SLC14A1: variants seen among roughly 807,000 people sequenced by gnomAD.
The protein encoded by SLC14A1 is urea transporter 1.
Under a neutral mutation model 39.6 loss-of-function variants are expected in SLC14A1, and 36 were observed. The observed-to-expected ratio is 0.91, with a 90% confidence interval of 0.70 to 1.20. The LOEUF (loss-of-function observed/expected upper bound fraction) is 1.20, where lower values mean the gene tolerates loss of function less well. Ranked by LOEUF, SLC14A1 falls within the 50% of genes most tolerant of loss-of-function variation. SLC14A1 has a pLI of 0.00. For synonymous variants in SLC14A1, 164 were observed against 173.6 expected (o/e 0.94, Z 0.43); for missense variants, 469 against 478.7 (o/e 0.98, Z 0.19).
intron 8 of SLC14A1, among the ~76,000 whole-genome samples, chr18:45,741,605 T>C (rs1023997971): frequency 3.3e-5 from 5 of 152,192 alleles, no homozygotes; most frequent in African/African-American, 1.2e-4. Context: ...TGTAGCCATG[T>C]AGATGTCATT....
chr18:45,747,568 A>G (rs2047582117), intron 8 of SLC14A1, among the ~76,000 whole-genome samples: 1 of 151,872 alleles, frequency 6.6e-6, no homozygotes, highest in African/African-American at 2.4e-5. Flanking sequence ...AGTGGTGGGC[A>G]CCTGTAGTCC....
At chr18:45,727,817 C>G (rs190888757) in intron 2 of SLC14A1, among the ~76,000 whole-genome samples, 1 of 152,314 alleles carries the variant, frequency 6.6e-6, no homozygotes, top group Non-Finnish European at 1.5e-5. Flanking sequence ...TGTAAGGACT[C>G]TTAAAGTTCC....
At chr18:45,728,886 T>C (rs2046942719) in intron 2 of SLC14A1, 1 of 152,344 alleles carries the variant, frequency 6.6e-6, no homozygotes, top group Non-Finnish European at 1.5e-5. Flanking sequence ...GAATGGTTAG[T>C]TGGGCAGTGA....
At chr18:45,741,104 C>CTCCA (rs1224558913) in intron 8 of SLC14A1, 1 of 152,314 alleles carries the variant, frequency 6.6e-6, no homozygotes, top group African/African-American at 2.4e-5. Flanking sequence ...TACCATCCAC[C>CTCCA]TCCAGAGTTA....
intron 6 of SLC14A1, among the ~76,000 whole-genome samples, chr18:45,738,134 T>A (rs1472303864): frequency 1.3e-5 from 2 of 152,242 alleles, no homozygotes; most frequent in African/African-American, 4.8e-5. Flanking sequence ...CACTATGGTC[T>A]GGTGCCCTTA....
In SLC14A1 at chr18:45,739,322, A is replaced by C. The variant is rs2047288329; in HGVS notation, c.811+12A>C. 1 of 1,613,958 alleles carries C rather than the reference A, an allele frequency of 6.2e-7. No individual in the cohort carries two copies. Among genetic ancestry groups the C allele is most frequent in the African/African-American group, 1.3e-5 (1 of 74,910 alleles). ...GGGCATAGCAGCGGGTGAGCACAAG[A>C]GCCCTTACCAAATATTGAGCACCTC... On this transcript the variant is annotated intron_variant, in intron 7 of 9. Coordinates refer to ENST00000321925, the MANE Select transcript of SLC14A1 (RefSeq NM_015865.7).
chr18:45,747,711 T>TA (rs530239219), intron 8 of SLC14A1, among the ~76,000 whole-genome samples: 5 of 150,708 alleles, frequency 3.3e-5, no homozygotes, highest in East Asian at 1.9e-4. Flanking sequence ...AAATAAAAAA[T>TA]AAAAAAAAAG....
chr18:45,746,509 A>G (rs991230714), intron 8 of SLC14A1, among the ~76,000 whole-genome samples: 1 of 152,208 alleles, frequency 6.6e-6, no homozygotes, highest in Non-Finnish European at 1.5e-5. Flanking sequence ...TGTAATGGAT[A>G]TTTTAAAAAG....
intron 4 of SLC14A1, chr18:45,731,535 G>A: frequency 5.5e-6 from 2 of 365,996 alleles, no homozygotes; most frequent in South Asian, 4.9e-5. Context: ...TTCTATTTGG[G>A]AAAAAGTGCA....
chr18:45,739,889 T>C, intron 8 of SLC14A1: 3 of 592,850 alleles, frequency 5.1e-6, no homozygotes, highest in East Asian at 2.9e-5. Context: ...TATTGAGTCA[T>C]ATTAATATCC....
intron 4 of SLC14A1, among the ~76,000 whole-genome samples, chr18:45,732,456 G>T (rs1304090802): frequency 6.6e-6 from 1 of 152,190 alleles, no homozygotes; most frequent in Admixed American, 6.5e-5. Context: ...TTTGCAAATT[G>T]TATCACCTCC....
At chr18:45,733,513 T>A (rs2047091508) in intron 4 of SLC14A1, among the ~76,000 whole-genome samples, 1 of 152,224 alleles carries the variant, frequency 6.6e-6, no homozygotes. Flanking sequence ...ATTTCAGGAA[T>A]CTTATATCTC....
chr18:45,746,433 T>C (rs1230162253), intron 8 of SLC14A1, among the ~76,000 whole-genome samples: 1 of 152,188 alleles, frequency 6.6e-6, no homozygotes, highest in Non-Finnish European at 1.5e-5. Flanking sequence ...CAACTTTGAA[T>C]TGGAGATCAC....
At chr18:45,736,414 G>T (rs775936907) in intron 5 of SLC14A1, 42 bp from the exon 6 acceptor site, 11 of 1,595,478 alleles carry the variant, frequency 6.9e-6, no homozygotes, top group Non-Finnish European at 9.5e-6. Flanking sequence ...GTGTCAGCCT[G>T]CTTTGTCACA....
chr18:45,750,168 G>A lies in SLC14A1; in HGVS notation c.*217G>A. Reference sequence around the variant, plus strand: ...CATCCAGGTGATGTGCTCTGGTATGGAATTTGAAACCCCAATGGGGCCTTG... The same window carrying A: ...CATCCAGGTGATGTGCTCTGGTATGAAATTTGAAACCCCAATGGGGCCTTG... On this transcript the variant is annotated 3_prime_UTR_variant, in exon 10 of 10. Coordinates refer to ENST00000321925, the MANE Select transcript of SLC14A1 (RefSeq NM_015865.7). The A allele has an allele frequency of 7.0e-7, 1 of 1,434,302 alleles. No homozygotes were observed. The highest frequency in any genetic ancestry group is 9.1e-7 in the Non-Finnish European group (1 of 1,099,900). 88.8% of individuals were successfully genotyped at this position (1,434,302 alleles called of 1,614,324 possible). A position where few individuals can be genotyped will look rare whatever the true frequency, so the allele number is the denominator to read the frequency against.
In SLC14A1 at chr18:45,733,197, C is replaced by T. The variant is rs375147095; in HGVS notation, c.342-1077C>T. ...TAGAAGCCCAAACCTCAGTCAGCAT[C>T]ATGCAATACATCTATGTAACAAACC... On this transcript the variant is annotated intron_variant, in intron 4 of 9. Transcript: ENST00000321925. Among the ~76,000 whole-genome samples, 33 of 152,282 alleles carry T rather than the reference C, an allele frequency of 2.2e-4. No individual in the cohort carries two copies. The South Asian group carries it at 6.4e-3, about 30-fold the overall frequency.
chr18:45,742,705 T>C (rs1462177338), intron 8 of SLC14A1, among the ~76,000 whole-genome samples: 3 of 150,024 alleles, frequency 2.0e-5, no homozygotes, highest in Non-Finnish European at 4.4e-5. Context: ...TGAGATGGAC[T>C]CTTGCTCTGT....
At chr18:45,732,996 T>C (rs1396806253) in intron 4 of SLC14A1, among the ~76,000 whole-genome samples, 1 of 152,216 alleles carries the variant, frequency 6.6e-6, no homozygotes, top group Non-Finnish European at 1.5e-5. Flanking sequence ...TGAATTAATG[T>C]AGTAACAGAA....
intron 2 of SLC14A1, chr18:45,727,506 A>C: frequency 1.4e-6 from 2 of 1,425,320 alleles, no homozygotes; most frequent in Non-Finnish European, 1.9e-6. Flanking sequence ...GAGCCTGGGA[A>C]GTGGGGGTTG....
Sources: gnomAD v4.1 joint callset for allele counts (sites outside exome capture counted in the v4.1 genomes callset) on GRCh38, gnomAD v4.1.1 for gene constraint, MANE v1.5 for transcripts, NCBI Gene and HGNC (gene_info 2026-07-23, HGNC 2026-07-21) for gene names.